The following PLXNA1 variants were observed in gnomAD, a reference collection of about 807,000 sequenced individuals.
PLXNA1 encodes the protein plexin A1, also known as plexin-A1.
Under a neutral mutation model 191.7 loss-of-function variants are expected in PLXNA1, and 77 were observed. The ratio of observed to expected loss-of-function variants is 0.40; its 90% CI spans 0.33 to 0.49. The LOEUF (loss-of-function observed/expected upper bound fraction) is 0.49, where lower values mean the gene tolerates loss of function less well. PLXNA1 is among the 20% of genes least tolerant of loss of function. The pLI is 0.63. For missense variants in PLXNA1, 2,110 were observed against 2,660.2 expected, an observed-to-expected ratio of 0.79 and a Z score of 4.55; for synonymous variants, 1,137 against 1,156.4, an observed-to-expected ratio of 0.98 and a Z score of 0.34.
At position 126,989,375 on chromosome 3, in the gene PLXNA1, T is replaced by G; in HGVS notation, c.782T>G (p.Leu261Arg). The G allele has an allele frequency of 6.2e-7, 1 of 1,613,640 alleles. No individual in the cohort carries two copies. Among genetic ancestry groups the G allele is most frequent in the Non-Finnish European group, 8.5e-7 (1 of 1,180,054 alleles). The change falls in exon 2 of 32, where the codon CTG becomes CGG. Residue 261 changes from leucine (L) to arginine (R), a missense_variant. Physicochemically the swap from Leu to Arg is moderately radical, Grantham distance 102. This residue lies in a region of PLXNA1 where 903 missense variants were observed against 1,015.7 expected (regional missense o/e 0.89). Coordinates refer to ENST00000393409, the MANE Select transcript of PLXNA1 (RefSeq NM_032242.4). ...RSEQFVYYLTLQLDTQLTSPD... is the reference protein window; with the variant it reads ...RSEQFVYYLTRQLDTQLTSPD... ...GAGCAGTTTGTCTACTACCTCACGC[T>G]GCAGCTAGACACACAGCTGACCTCG...
chr3:126,993,172 C>A (rs181886632), intron 3 of PLXNA1, among the ~76,000 whole-genome samples: 17 of 152,284 alleles, frequency 1.1e-4, no homozygotes, highest in Non-Finnish European at 1.6e-4. Flanking sequence ...GGCCTGTCTC[C>A]CCTGCCTCCT....
At position 127,007,785 on chromosome 3, in the gene PLXNA1, C is replaced by T. The variant is rs746753916; in HGVS notation, c.1998-14C>T. Reference sequence around the variant, plus strand: ...GCGGGTCCCCAGGCTTCAGCACCCACCCTCTCCCTGCAGCTGCCTGTCCTG... The same window carrying T: ...GCGGGTCCCCAGGCTTCAGCACCCATCCTCTCCCTGCAGCTGCCTGTCCTG... On this transcript the variant is annotated splice_polypyrimidine_tract_variant and intron_variant, in intron 8 of 31. Transcript: ENST00000393409. 1.3e-6 allele frequency: 2 copies of T among 1,590,102 alleles called. No individual in the cohort carries two copies. The highest frequency in any genetic ancestry group is 1.7e-6 in the Non-Finnish European group (2 of 1,160,524).
chr3:127,028,131 C>G (rs746005683), intron 24 of PLXNA1, 45 bp downstream of exon 24: 2 of 1,612,470 alleles, frequency 1.2e-6, no homozygotes, highest in Non-Finnish European at 1.7e-6. Flanking sequence ...GTGCCCCCCA[C>G]CCCCCAGTTG....
intron 23 of PLXNA1, 47 bp downstream of exon 23, chr3:127,022,865 G>T (rs1275696438): frequency 6.7e-7 from 1 of 1,503,372 alleles, no homozygotes; most frequent in Non-Finnish European, 9.3e-7. Context: ...GGTGAACAGC[G>T]GGAGGGGAAA....
Position 127,014,589 on chromosome 3 carries a change from C to A in PLXNA1, c.2716C>A (p.Leu906Met). The change falls in exon 13 of 32, where the codon CTG becomes ATG. Residue 906 changes from leucine to methionine, a missense_variant. By Grantham distance (15) the Leu-to-Met change is conservative (BLOSUM62 2). This residue lies in a region of PLXNA1 where 644 missense variants were observed against 714.3 expected (regional missense o/e 0.90). Coordinates refer to ENST00000393409, the MANE Select transcript of PLXNA1 (RefSeq NM_032242.4). ...TCTGGGCGTGCGCGTGGGCAAGGTG[C>A]TGTGCAGCCCTGTGGAGAGCGAGTA... ...VRLGVRVGKV[L>M]CSPVESEYIS... The A allele has an allele frequency of 6.2e-7, 1 of 1,613,222 alleles. No individual in the cohort carries two copies. Among genetic ancestry groups the A allele is most frequent in the Non-Finnish European group, 8.5e-7 (1 of 1,179,856 alleles).
chr3:127,032,597 G>C lies in PLXNA1; in HGVS notation c.5442G>C (p.Glu1814Asp). 6.2e-7 allele frequency: 1 copy of C among 1,613,358 alleles called. No homozygotes were observed. The highest frequency in any genetic ancestry group is 8.5e-7 in the Non-Finnish European group (1 of 1,179,748). Residue 1814 changes from glutamate (E) to aspartate (D), a missense_variant and splice_region_variant, in exon 30 of 32, where the codon GAG (glutamate) becomes GAC (aspartate). Glu to Asp is a conservative substitution (Grantham distance 45, BLOSUM62 2). This residue lies in a region of PLXNA1 where 559 missense variants were observed against 911.5 expected (regional missense o/e 0.61). Transcript: ENST00000393409. The part of the protein sequence containing the change: ...KDIPNYKSWV[E>D]RYYADIAKMP... ...TCCCCAACTACAAGAGCTGGGTGGA[G>C]AGGTAGGTGGAGGGTGCAGGGGTCG...
rs771187466 is a variant in PLXNA1, at chr3:127,017,746, C to T, written c.3517-3C>T. On this transcript the variant is annotated splice_region_variant and splice_polypyrimidine_tract_variant and intron_variant, in intron 18 of 31. Transcript: ENST00000393409. ...GGCTCTGGCTCACCCCCATCTCCTA[C>T]AGGGCCGGAACCTCTTGCCACCTGC... is the stretch of plus-strand genomic sequence containing the variant. 2.0e-5 allele frequency: 32 copies of T among 1,613,172 alleles called. 1 individual carries two copies. In the South Asian group the frequency reaches 3.1e-4, roughly 15 times the overall value.
chr3:127,017,976 G>T, intron 19 of PLXNA1, 84 bp downstream of exon 19: 1 of 1,544,886 alleles, frequency 6.5e-7, no homozygotes, highest in South Asian at 1.2e-5. Flanking sequence ...CCCCAGCTCT[G>T]ACCTTGCCCG....
chr3:127,022,005 C>G, intron 21 of PLXNA1, 80 bp from the exon 22 acceptor site: 1 of 1,546,708 alleles, frequency 6.5e-7, no homozygotes, highest in South Asian at 1.2e-5. Context: ...ACCAGCCAGG[C>G]CTGGACAGCC....
At chr3:127,000,169 T>G (rs2079033164) in intron 3 of PLXNA1, among the ~76,000 whole-genome samples, 1 of 151,714 alleles carries the variant, frequency 6.6e-6, no homozygotes, top group Non-Finnish European at 1.5e-5. Flanking sequence ...GAGGGTGGGC[T>G]GTTGGGGCCA....
chr3:126,992,059 T>C (rs1023245767), intron 3 of PLXNA1, among the ~76,000 whole-genome samples: 6 of 152,156 alleles, frequency 3.9e-5, no homozygotes, highest in Non-Finnish European at 5.9e-5. Context: ...TGCCCCTGCC[T>C]GTCTTTGGCT....
intron 1 of PLXNA1, among the ~76,000 whole-genome samples, chr3:126,986,983 G>A (rs927831998): frequency 2.0e-5 from 3 of 152,214 alleles, no homozygotes; most frequent in Non-Finnish European, 2.9e-5. Flanking sequence ...TTGAACTCAA[G>A]ACTCAGGACT....
rs1319539152 is a variant in PLXNA1 at position 127,036,617 on chromosome 3, GCTC to G, written c.*2603_*2605del. 6.6e-6 allele frequency: 1 copy of G among 152,386 alleles called. No individual in the cohort carries two copies. Among genetic ancestry groups the G allele is most frequent in the Non-Finnish European group, 1.5e-5 (1 of 68,076 alleles). The allele number at this position is 152,386 out of a possible 1,614,324, so 9.4% of individuals were successfully genotyped here. A position where few individuals can be genotyped will look rare whatever the true frequency, so the allele number is the denominator to read the frequency against. ...CCTACTTGTCACTGGTTCCCACTGT[GCTC>G]CTAACTGTGCAGCACCTGGGAGCTC... On this transcript the variant is annotated 3_prime_UTR_variant, in exon 32 of 32. Coordinates refer to ENST00000393409, the MANE Select transcript of PLXNA1 (RefSeq NM_032242.4).
In PLXNA1 at chr3:127,017,688, T is replaced by C. The variant is rs763672048; in HGVS notation, c.3516+24T>C. On this transcript the variant is annotated intron_variant, in intron 18 of 31. Coordinates refer to ENST00000393409, the MANE Select transcript of PLXNA1 (RefSeq NM_032242.4). ...AGGTGGGTCACCATTGCCCGTAGGC[T>C]GGGCCAAGCCAGGGAAGAGGCCCCT... 8.1e-6 allele frequency: 13 copies of C among 1,613,036 alleles called. No individual in the cohort carries two copies. The Admixed American group carries it at 1.5e-4, about 19-fold the overall frequency.
At position 127,022,097 on chromosome 3, in the gene PLXNA1, G is replaced by A. The variant is rs2079154337; in HGVS notation, c.4051G>A (p.Val1351Met). ...VLKEMEVQANVEKSLTLFGQL... is the reference protein window; with the variant it reads ...VLKEMEVQANMEKSLTLFGQL... ...TGTGCTCCCTCAGGTGCAGGCCAAT[G>A]TGGAGAAGTCGCTGACACTGTTCGG... Residue 1351 changes from valine (V) to methionine (M), a missense_variant, in exon 22 of 32, where the codon GTG becomes ATG. Physicochemically the swap from Val to Met is conservative, Grantham distance 21. This residue lies in a region of PLXNA1 where 559 missense variants were observed against 911.5 expected (regional missense o/e 0.61). Coordinates refer to ENST00000393409, the MANE Select transcript of PLXNA1 (RefSeq NM_032242.4). 3.7e-6 allele frequency: 6 copies of A among 1,612,690 alleles called. No homozygotes were observed. The highest frequency in any genetic ancestry group is 4.2e-6 in the Non-Finnish European group (5 of 1,179,718).
intron 3 of PLXNA1, 113 bp downstream of exon 3, chr3:126,991,679 G>C: frequency 8.7e-7 from 1 of 1,155,948 alleles, no homozygotes; most frequent in Non-Finnish European, 1.2e-6. Flanking sequence ...GCTAGATCTG[G>C]CGTACAGGGG....
chr3:127,011,838 T>C lies in PLXNA1; in HGVS notation c.2113-120T>C, dbSNP rs558437110. On this transcript the variant is annotated intron_variant, in intron 9 of 31. Coordinates refer to ENST00000393409, the MANE Select transcript of PLXNA1 (RefSeq NM_032242.4). ...GTCCTCAGTTTGCCAGTGCATAAAATGGGCACATTGGTGCTTGGCTGGGAG... is the reference window on the plus strand; with the variant it reads ...GTCCTCAGTTTGCCAGTGCATAAAACGGGCACATTGGTGCTTGGCTGGGAG... The C allele has an allele frequency of 1.3e-5, 12 of 932,428 alleles. No homozygotes were observed. The East Asian group carries it at 2.9e-4, about 23-fold the overall frequency. 57.8% of individuals were successfully genotyped at this position (932,428 alleles called of 1,614,324 possible).
chr3:127,020,186 C>A lies in PLXNA1; in HGVS notation c.3896-16C>A. The stretch of plus-strand genomic sequence containing the variant: ...CCACCAGGGCATGCTGCCCCTGACG[C>A]CGCATCTGGCCACAGCCTTTGCAGA... On this transcript the variant is annotated splice_polypyrimidine_tract_variant and intron_variant, in intron 20 of 31. Coordinates refer to ENST00000393409, the MANE Select transcript of PLXNA1 (RefSeq NM_032242.4). 6.2e-7 allele frequency: 1 copy of A among 1,611,572 alleles called. No homozygotes were observed. Among genetic ancestry groups the A allele is most frequent in the Admixed American group, 1.7e-5 (1 of 59,990 alleles).
chr3:126,989,557 C>A lies in PLXNA1; in HGVS notation c.964C>A (p.Arg322Ser). The A allele has an allele frequency of 6.2e-7, 1 of 1,613,232 alleles. No individual in the cohort carries two copies. The highest frequency in any genetic ancestry group is 8.5e-7 in the Non-Finnish European group (1 of 1,180,038). Reference sequence around the variant, plus strand: ...GGATGCCTACCTGAGCCGGCCCGGCCGTGCCCTGGCCCACCAGCTGGGCCT... The same window carrying A: ...GGATGCCTACCTGAGCCGGCCCGGCAGTGCCCTGGCCCACCAGCTGGGCCT... ...VQDAYLSRPG[R>S]ALAHQLGLAE... Residue 322 changes from arginine to serine, a missense_variant, in exon 2 of 32, where the codon CGT (arginine) becomes AGT (serine). Arg to Ser is a moderately radical substitution (Grantham distance 110). Transcript: ENST00000393409.
Sources: gnomAD v4.1 joint callset for allele counts (sites outside exome capture counted in the v4.1 genomes callset) on GRCh38, gnomAD v4.1.1 for gene constraint, gnomAD v4.1.1 regional missense constraint, MANE v1.5 for transcripts, NCBI Gene and HGNC (gene_info 2026-07-23, HGNC 2026-07-21) for gene names.